TRIOBP: variants seen among roughly 807,000 people sequenced by gnomAD.
The protein encoded by TRIOBP is TRIO and F-actin binding protein, also known as TRIO and F-actin-binding protein.
TRIOBP carries 169 observed loss-of-function variants against 238.8 expected under a neutral mutation model. The observed-to-expected ratio is 0.71, with a 90% CI of 0.62 to 0.80. TRIOBP has a LOEUF of 0.80. Ranked by LOEUF, TRIOBP falls within the 30% of genes least tolerant of loss-of-function variation. The pLI is 0.00. For missense variants in TRIOBP, 2,838 were observed against 3,122.6 expected (o/e 0.91, Z 2.17); for synonymous variants, 1,150 against 1,274.4 (o/e 0.90, Z 2.08).
At position 37,723,618 on chromosome 22, in the gene TRIOBP, C is replaced by T; in HGVS notation, c.1062C>T (p.Pro354=). Residue 354 remains proline (P), a synonymous_variant, in exon 7 of 24, where the codon CCC becomes CCT. Coordinates refer to ENST00000644935, the MANE Select transcript of TRIOBP (RefSeq NM_001039141.3). ...CACGAAGCACCCAACTGGATAACCCCAGAACCTCTTCTACCCAGCAGGACA... is the reference window on the plus strand; with the variant it reads ...CACGAAGCACCCAACTGGATAACCCTAGAACCTCTTCTACCCAGCAGGACA... ...SPSRSTQLDN[P]RTSSTQQDNP... 3 of 1,614,130 alleles carry T rather than the reference C, an allele frequency of 1.9e-6. No individual in the cohort carries two copies. Among genetic ancestry groups the T allele is most frequent in the Non-Finnish European group, 2.5e-6 (3 of 1,180,026 alleles).
At chr22:37,712,906 G>A (rs1201865668) in intron 4 of TRIOBP, among the ~76,000 whole-genome samples, 2 of 151,252 alleles carry the variant, frequency 1.3e-5, no homozygotes, top group East Asian at 3.9e-4. Context: ...GCAGTGAGCC[G>A]AGATGGTGCC....
In TRIOBP at chr22:37,725,210, G is replaced by T; in HGVS notation, c.2654G>T (p.Arg885Leu). 1 of 1,613,820 alleles carries T rather than the reference G, an allele frequency of 6.2e-7. No homozygotes were observed. The highest frequency in any genetic ancestry group is 2.2e-5 in the East Asian group (1 of 44,880). Reference sequence around the variant, plus strand: ...AATCTGAGACCATCATCTCCCCACCGCTCCACTCAATGGAACAATCCCAGG... The same window carrying T: ...AATCTGAGACCATCATCTCCCCACCTCTCCACTCAATGGAACAATCCCAGG... Reference protein sequence around the residue: ...KENLRPSSPHRSTQWNNPRNS... With the variant: ...KENLRPSSPHLSTQWNNPRNS... Residue 885 changes from arginine to leucine, a missense_variant, in exon 7 of 24, where the codon CGC becomes CTC. By Grantham distance (102) the Arg-to-Leu change is moderately radical. This residue lies in a region of TRIOBP where 2,096 missense variants were observed against 2,137.4 expected (regional missense o/e 0.98). Transcript: ENST00000644935.
At chr22:37,708,139 G>A (rs375194977) in intron 3 of TRIOBP, among the ~76,000 whole-genome samples, 8 of 146,134 alleles carry the variant, frequency 5.5e-5, no homozygotes, top group Admixed American at 4.1e-4. Context: ...CCAGCTACTC[G>A]GGAGGCTGAG....
At chr22:37,755,738 G>T (rs1925885352) in intron 15 of TRIOBP, 79 bp downstream of exon 15, 2 of 1,231,468 alleles carry the variant, frequency 1.6e-6, no homozygotes, top group Admixed American at 1.8e-5. Flanking sequence ...GTACTCACCT[G>T]AGGGCTGCAC....
intron 12 of TRIOBP, among the ~76,000 whole-genome samples, chr22:37,752,773 C>T (rs1273251625): frequency 2.0e-5 from 3 of 152,200 alleles, no homozygotes; most frequent in Non-Finnish European, 4.4e-5. Flanking sequence ...AGAGGGATTA[C>T]AGGCCCCACC....
intron 11 of TRIOBP, among the ~76,000 whole-genome samples, chr22:37,743,463 G>A (rs1397714894): frequency 6.6e-6 from 1 of 152,222 alleles, no homozygotes; most frequent in East Asian, 1.9e-4. Context: ...GACCTGCCAG[G>A]ATGAGTTGTG....
At chr22:37,755,414 T>C in intron 14 of TRIOBP, 136 bp from the exon 15 acceptor site, 1 of 950,398 alleles carries the variant, frequency 1.1e-6, no homozygotes, top group South Asian at 1.4e-5. Context: ...AGGGAGGTTT[T>C]GTACCCCCTG....
At position 37,710,933 on chromosome 22, in the gene TRIOBP, C is replaced by T. The variant is rs568948898; in HGVS notation, c.254+367C>T. 9.8e-5 allele frequency among the ~76,000 whole-genome samples: 15 copies of T among 152,366 alleles called. No homozygotes were observed. The East Asian group carries it at 1.9e-3, about 20-fold the overall frequency. On this transcript the variant is annotated intron_variant, in intron 4 of 23. Coordinates refer to ENST00000644935, the MANE Select transcript of TRIOBP (RefSeq NM_001039141.3). ...CATGGCCACAGCCTACTCACATTTC[C>T]TGGTTCCCTTTGCACAGCTTTAAAA...
intron 19 of TRIOBP, 94 bp from the exon 20 acceptor site, chr22:37,768,934 A>G: frequency 1.3e-6 from 2 of 1,577,556 alleles, no homozygotes; most frequent in East Asian, 2.2e-5. Flanking sequence ...AGGGAACCCC[A>G]GAGTCCTGGG....
chr22:37,765,810 G>C lies in TRIOBP; in HGVS notation c.6465G>C (p.Thr2155=). 1 of 1,562,716 alleles carries C rather than the reference G, an allele frequency of 6.4e-7. No homozygotes were observed. The highest frequency in any genetic ancestry group is 8.6e-7 in the Non-Finnish European group (1 of 1,165,046). ...EWLLAEETAA[T]ASAIEAMKKA... ...TCCTGGCTGAGGAGACGGCAGCCAC[G>C]GCCTCAGGTATGGACCCTGGGGGGG... The change falls in exon 18 of 24, where the codon ACG becomes ACC. Residue 2155 remains threonine (T), a synonymous_variant. Transcript: ENST00000644935.
chr22:37,718,771 G>A (rs1313191174), intron 6 of TRIOBP, among the ~76,000 whole-genome samples: 1 of 151,414 alleles, frequency 6.6e-6, no homozygotes, highest in Non-Finnish European at 1.5e-5. Context: ...GGAATGCCAT[G>A]TGTGAGCCCA....
At chr22:37,735,592 C>G (rs1924631196) in intron 9 of TRIOBP, 150 bp downstream of exon 9, 1 of 909,690 alleles carries the variant, frequency 1.1e-6, no homozygotes, top group Non-Finnish European at 1.7e-6. Flanking sequence ...ACAACCCATC[C>G]CGATCACCAA....
intron 21 of TRIOBP, 133 bp from the exon 22 acceptor site, chr22:37,771,517 T>C (rs961906559): frequency 1.3e-6 from 1 of 757,806 alleles, no homozygotes; most frequent in African/African-American, 1.7e-5. Flanking sequence ...GCCTCCAGGA[T>C]GTAGAGGGTT....
chr22:37,759,237 C>T lies in TRIOBP; in HGVS notation c.6297C>T (p.Gly2099=), dbSNP rs1926109110. The T allele has an allele frequency of 6.2e-7, 1 of 1,613,008 alleles. No individual in the cohort carries two copies. The highest frequency in any genetic ancestry group is 1.1e-5 in the South Asian group (1 of 91,082). Residue 2099 remains glycine, a synonymous_variant, in exon 17 of 24, where the codon GGC becomes GGT. Transcript: ENST00000644935. ...PQSALRSQED[G]HIPPGYISQE... ...GTGCACTGAGATCCCAGGAGGATGG[C>T]CACATCCCCCCGGGCTACATCTCAC... is the stretch of plus-strand genomic sequence containing the variant.
At position 37,726,388 on chromosome 22, in the gene TRIOBP, C is replaced by T. The variant is rs774124751; in HGVS notation, c.3832C>T (p.Pro1278Ser). The change falls in exon 7 of 24, where the codon CCA (proline) becomes TCA (serine). Residue 1278 changes from proline to serine, a missense_variant. This residue lies in a region of TRIOBP where 2,096 missense variants were observed against 2,137.4 expected (regional missense o/e 0.98). Coordinates refer to ENST00000644935, the MANE Select transcript of TRIOBP (RefSeq NM_001039141.3). ...EEYTVLADLP[P>S]PRRLAQRQPG... ...GTACACTGTGCTGGCCGACCTGCCC[C>T]CACCCAGGAGGCTGGCCCAGAGACA... The T allele has an allele frequency of 1.3e-6, 2 of 1,588,820 alleles. No homozygotes were observed. The highest frequency in any genetic ancestry group is 1.8e-5 in the Admixed American group (1 of 56,626).
At position 37,760,010 on chromosome 22, in the gene TRIOBP, C is replaced by T. The variant is rs1025672866; in HGVS notation, c.6324+746C>T. ...TGCTTTCAGTGATTTTTTCCATACTCTTGTATCCACAACTGATTAACAAAG... is the reference window on the plus strand; with the variant it reads ...TGCTTTCAGTGATTTTTTCCATACTTTTGTATCCACAACTGATTAACAAAG... On this transcript the variant is annotated intron_variant, in intron 17 of 23. Coordinates refer to ENST00000644935, the MANE Select transcript of TRIOBP (RefSeq NM_001039141.3). The T allele has an allele frequency of 3.7e-5, 7 of 188,280 alleles. 1 individual carries two copies. In the South Asian group the frequency reaches 6.0e-4, roughly 16 times the overall value. The allele number at this position is 188,280 out of a possible 1,614,324, so 11.7% of individuals were successfully genotyped here.
At chr22:37,753,279 T>A (rs1377392039) in intron 12 of TRIOBP, among the ~76,000 whole-genome samples, 1 of 147,102 alleles carries the variant, frequency 6.8e-6, no homozygotes, top group Admixed American at 6.8e-5. Flanking sequence ...TTTATTTTTG[T>A]TTTTTTTTTT....
intron 3 of TRIOBP, among the ~76,000 whole-genome samples, chr22:37,708,074 G>C (rs1923041771): frequency 6.7e-6 from 1 of 149,740 alleles, no homozygotes; most frequent in Admixed American, 6.7e-5. Flanking sequence ...GTGAAACCCT[G>C]TCTCTACTAA....
At chr22:37,733,475 C>T (rs1016544023) in intron 8 of TRIOBP, 63 bp downstream of exon 8, 25 of 1,291,976 alleles carry the variant, frequency 1.9e-5, no homozygotes, top group African/African-American at 7.3e-5. Flanking sequence ...TCTTCCCTCC[C>T]GCTAGAAGCC....
Sources: gnomAD v4.1 joint callset for allele counts (sites outside exome capture counted in the v4.1 genomes callset) on GRCh38, gnomAD v4.1.1 for gene constraint, gnomAD v4.1.1 regional missense constraint, MANE v1.5 for transcripts, NCBI Gene and HGNC (gene_info 2026-07-23, HGNC 2026-07-21) for gene names.